DPY19L4: variants seen among roughly 807,000 people sequenced by gnomAD.
DPY19L4 encodes the protein probable C-mannosyltransferase DPY19L4.
Under a neutral mutation model 102.8 loss-of-function variants are expected in DPY19L4, and 97 were observed. The ratio of observed to expected loss-of-function variants is 0.94; its 90% CI spans 0.80 to 1.12. The LOEUF (loss-of-function observed/expected upper bound fraction) is 1.12. DPY19L4 is among the 50% of genes most tolerant of loss of function. The pLI, the probability that DPY19L4 is intolerant of heterozygous loss-of-function variation, is 0.00. For synonymous variants in DPY19L4, 252 were observed against 283.1 expected, an observed-to-expected ratio of 0.89 and a Z score of 1.10; for missense variants, 815 against 850.4, an observed-to-expected ratio of 0.96 and a Z score of 0.52.
chr8:94,755,934 T>A (rs1812144552), intron 6 of DPY19L4, 102 bp from the exon 7 acceptor site: 1 of 1,244,994 alleles, frequency 8.0e-7, no homozygotes, highest in South Asian at 1.6e-5. Context: ...CTCACAGGAT[T>A]GTTATGGAGA....
At chr8:94,779,851 G>A (rs1813352373) in intron 14 of DPY19L4, among the ~76,000 whole-genome samples, 1 of 152,122 alleles carries the variant, frequency 6.6e-6, no homozygotes, top group East Asian at 1.9e-4. Context: ...ATTATAGCAG[G>A]ATGATGATAC....
intron 12 of DPY19L4, among the ~76,000 whole-genome samples, 161 bp downstream of exon 12, chr8:94,768,714 C>T (rs1812787776): frequency 1.3e-5 from 2 of 152,024 alleles, no homozygotes; most frequent in Admixed American, 1.3e-4. Flanking sequence ...GATGTGTTGG[C>T]CAGGTGCGGT....
intron 13 of DPY19L4, among the ~76,000 whole-genome samples, chr8:94,774,895 G>A (rs186433691): frequency 1.3e-5 from 2 of 151,844 alleles, no homozygotes; most frequent in Admixed American, 1.3e-4. Context: ...CCATTTCTAT[G>A]AATTTGTTTA....
chr8:94,777,498 A>G (rs898159585), intron 13 of DPY19L4, among the ~76,000 whole-genome samples, 168 bp from the exon 14 acceptor site: 1 of 152,190 alleles, frequency 6.6e-6, no homozygotes, highest in Admixed American at 6.5e-5. Flanking sequence ...CTTGATTTTT[A>G]AAAAACTGGA....
At chr8:94,773,738 GT>G (rs1283485394) in intron 13 of DPY19L4, among the ~76,000 whole-genome samples, 1 of 151,756 alleles carries the variant, frequency 6.6e-6, no homozygotes, top group African/African-American at 2.4e-5. Context: ...CCTTGTTTTT[GT>G]GTTTTTGAGA....
intron 11 of DPY19L4, among the ~76,000 whole-genome samples, chr8:94,768,188 T>C (rs1335785816): frequency 1.3e-5 from 2 of 152,220 alleles, no homozygotes; most frequent in East Asian, 1.9e-4. Context: ...GTTTTACATT[T>C]ATTAGAGCAG....
chr8:94,769,111 G>T (rs1179511793), intron 12 of DPY19L4, among the ~76,000 whole-genome samples: 2 of 146,152 alleles, frequency 1.4e-5, no homozygotes, highest in Non-Finnish European at 3.0e-5. Context: ...CCCCAGGCTG[G>T]AGTGCAGTGG....
At chr8:94,759,902 A>G (rs1001593192) in intron 7 of DPY19L4, among the ~76,000 whole-genome samples, 2 of 152,182 alleles carry the variant, frequency 1.3e-5, no homozygotes, top group African/African-American at 4.8e-5. Flanking sequence ...CTTCAGTTCA[A>G]TCTTTTGTGC....
chr8:94,765,226 G>A lies in DPY19L4; in HGVS notation c.914G>A (p.Gly305Glu), dbSNP rs1388488697. 1 of 1,597,884 alleles carries A rather than the reference G, an allele frequency of 6.3e-7. No individual in the cohort carries two copies. Among genetic ancestry groups the A allele is most frequent in the Non-Finnish European group, 8.5e-7 (1 of 1,171,646 alleles). The stretch of plus-strand genomic sequence containing the variant: ...ATCTACATATTTTCCCTCTTTCTGG[G>A]ATATTTACTACAGTTTGAGAATCCA... ...YKIYIFSLFLGYLLQFENPAL... is the reference protein window; with the variant it reads ...YKIYIFSLFLEYLLQFENPAL... Residue 305 changes from glycine (G) to glutamate (E), a missense_variant, in exon 9 of 19, where the codon GGA becomes GAA. Physicochemically the swap from Gly to Glu is moderately conservative, Grantham distance 98 (BLOSUM62 -2). Coordinates refer to ENST00000414645, the MANE Select transcript of DPY19L4 (RefSeq NM_181787.3).
chr8:94,780,408 G>A lies in DPY19L4; in HGVS notation c.1625G>A (p.Trp542Ter). ...AVPTIIGLSL[W>*]KEFFPRLMTE... ...CCTACTATAATAGGTCTCAGCTTATGGAAAGAGGTAAAAAAATTAGATTTT... is the reference window on the plus strand; with the variant it reads ...CCTACTATAATAGGTCTCAGCTTATAGAAAGAGGTAAAAAAATTAGATTTT... Residue 542 changes from tryptophan to a stop codon, truncating the protein, a stop_gained, in exon 15 of 19, where the codon TGG becomes TAG. Coordinates refer to ENST00000414645, the MANE Select transcript of DPY19L4 (RefSeq NM_181787.3). LOFTEE classifies it high-confidence loss of function. 6.9e-7 allele frequency: 1 copy of A among 1,458,816 alleles called. No homozygotes were observed. The highest frequency in any genetic ancestry group is 9.2e-7 in the Non-Finnish European group (1 of 1,089,754). The allele number at this position is 1,458,816 out of a possible 1,614,324, so 90.4% of individuals were successfully genotyped here. A position where few individuals can be genotyped will look rare whatever the true frequency, so the allele number is the denominator to read the frequency against.
At chr8:94,735,759 A>T (rs1811162989) in intron 3 of DPY19L4, among the ~76,000 whole-genome samples, 1 of 152,178 alleles carries the variant, frequency 6.6e-6, no homozygotes, top group African/African-American at 2.4e-5. Flanking sequence ...GCTTTTTCAG[A>T]ATCATAGACT....
In DPY19L4 at chr8:94,791,748, G is replaced by A. The variant is rs924410450; in HGVS notation, c.*1838G>A. The A allele has an allele frequency of 6.6e-6, 1 of 151,992 alleles. No individual in the cohort carries two copies. Among genetic ancestry groups the A allele is most frequent in the African/African-American group, 2.4e-5 (1 of 41,386 alleles). The allele number at this position is 151,992 out of a possible 1,614,324, so 9.4% of individuals were successfully genotyped here. A position where few individuals can be genotyped will look rare whatever the true frequency, so the allele number is the denominator to read the frequency against. On this transcript the variant is annotated 3_prime_UTR_variant, in exon 19 of 19. Coordinates refer to ENST00000414645, the MANE Select transcript of DPY19L4 (RefSeq NM_181787.3). ...ATATTATGTTACCTGTGCTGAATTA[G>A]GTTTGGTACTTGTGTTTTGTTTGAC...
At chr8:94,751,883 C>T (rs551212823) in intron 6 of DPY19L4, among the ~76,000 whole-genome samples, 14 of 152,126 alleles carry the variant, frequency 9.2e-5, no homozygotes, top group South Asian at 6.2e-4. Context: ...GGTGGGGCTC[C>T]GGCTTTTTTT....
In DPY19L4 at chr8:94,770,701, A is replaced by G. The variant is rs1812890616; in HGVS notation, c.1454+130A>G. On this transcript the variant is annotated intron_variant, in intron 13 of 18. Coordinates refer to ENST00000414645, the MANE Select transcript of DPY19L4 (RefSeq NM_181787.3). ...TCACCTGAGTTCAGGAGTTTGAGAC[A>G]GTGTGACTCTGTCAACACTCAACAT... 1.4e-5 allele frequency: 16 copies of G among 1,151,724 alleles called. 1 individual carries two copies. The South Asian group carries it at 1.7e-4, about 12-fold the overall frequency. 71.3% of individuals were successfully genotyped at this position (1,151,724 alleles called of 1,614,324 possible). A position where few individuals can be genotyped will look rare whatever the true frequency, so the allele number is the denominator to read the frequency against.
chr8:94,775,858 A>T (rs1444970146), intron 13 of DPY19L4, among the ~76,000 whole-genome samples: 2 of 151,706 alleles, frequency 1.3e-5, no homozygotes, highest in African/African-American at 2.4e-5. Flanking sequence ...TAATTTTTCT[A>T]AACTTTTCCT....
Position 94,792,289 on chromosome 8 carries a change from T to C in DPY19L4, c.*2379T>C, listed in dbSNP as rs1282096553. 6.6e-6 allele frequency: 1 copy of C among 152,152 alleles called. No homozygotes were observed. Among genetic ancestry groups the C allele is most frequent in the Non-Finnish European group, 1.5e-5 (1 of 68,114 alleles). 9.4% of individuals were successfully genotyped at this position (152,152 alleles called of 1,614,324 possible). A position where few individuals can be genotyped will look rare whatever the true frequency, so the allele number is the denominator to read the frequency against. ...TCTTGTCTCCCAGGCTGGAGTGCAA[T>C]GGCGCGATCTTGGCTCACTGCAACC... is the stretch of plus-strand genomic sequence containing the variant. On this transcript the variant is annotated 3_prime_UTR_variant, in exon 19 of 19. Transcript: ENST00000414645.
chr8:94,764,189 G>A (rs143824012), intron 8 of DPY19L4, among the ~76,000 whole-genome samples: 100 of 152,178 alleles, frequency 6.6e-4, no homozygotes, highest in Non-Finnish European at 1.2e-3. Flanking sequence ...TTTAATAACA[G>A]GGCAAACTAA....
At chr8:94,758,713 A>G (rs1165814806) in intron 7 of DPY19L4, among the ~76,000 whole-genome samples, 1 of 151,878 alleles carries the variant, frequency 6.6e-6, no homozygotes. Flanking sequence ...GCTCCTTGTC[A>G]TCGCTGAGTA....
chr8:94,770,921 CT>C (rs371611032), intron 13 of DPY19L4, among the ~76,000 whole-genome samples: 41,960 of 139,090 alleles, frequency 0.3, 6,926 homozygotes, highest in African/African-American at 0.47. Flanking sequence ...CAAAGATTGT[CT>C]TTTTTTTTTT....
Sources: allele counts gnomAD v4.1 joint callset (sites outside exome capture counted in the v4.1 genomes callset), GRCh38; gene constraint gnomAD v4.1.1; transcripts MANE v1.5; gene names NCBI Gene and HGNC (gene_info 2026-07-23, HGNC 2026-07-21).